Variants in FOXJ3 observed in about 807,000 individuals in gnomAD.
FOXJ3 encodes forkhead box protein J3.
FOXJ3 carries 22 observed loss-of-function variants against 76.1 expected under a neutral mutation model. That is an observed-to-expected ratio of 0.29 (90% CI 0.21 to 0.41). The LOEUF is 0.41. FOXJ3 is among the 10% of genes least tolerant of loss of function. The pLI is 1.00. For missense variants in FOXJ3, 613 were observed against 762.1 expected (o/e 0.80, Z 2.30); for synonymous variants, 269 against 261.2 (o/e 1.03, Z -0.29).
chr1:42,228,427 G>A (rs1269521247), intron 4 of FOXJ3, among the ~76,000 whole-genome samples: 4 of 152,064 alleles, frequency 2.6e-5, no homozygotes, highest in Middle Eastern at 3.4e-3. Context: ...GCAATGATAC[G>A]TACATAAACT....
chr1:42,234,094 G>A (rs570221170), intron 4 of FOXJ3, among the ~76,000 whole-genome samples: 12 of 152,196 alleles, frequency 7.9e-5, no homozygotes, highest in South Asian at 6.2e-4. Context: ...GACTTTGTTC[G>A]TTTCTTTTTA....
chr1:42,269,948 G>A (rs1272702195), intron 3 of FOXJ3, among the ~76,000 whole-genome samples: 1 of 152,122 alleles, frequency 6.6e-6, no homozygotes, highest in Admixed American at 6.5e-5. Flanking sequence ...ACCCTGCAGA[G>A]AGTTATGTCT....
At chr1:42,249,581 A>G (rs1224694535) in intron 4 of FOXJ3, among the ~76,000 whole-genome samples, 1 of 152,212 alleles carries the variant, frequency 6.6e-6, no homozygotes, top group Admixed American at 6.5e-5. Context: ...CAAAAAATTA[A>G]CGTACAATTT....
intron 2 of FOXJ3, among the ~76,000 whole-genome samples, chr1:42,300,483 T>G (rs1376932362): frequency 6.6e-6 from 1 of 152,070 alleles, no homozygotes; most frequent in Non-Finnish European, 1.5e-5. Flanking sequence ...GATATAAAAT[T>G]CTTGGCCGGT....
intron 5 of FOXJ3, among the ~76,000 whole-genome samples, chr1:42,220,776 T>C (rs1569918117): frequency 6.6e-6 from 1 of 152,186 alleles, no homozygotes; most frequent in South Asian, 2.1e-4. Flanking sequence ...CTTCATTCCC[T>C]TGTCCTATCT....
At chr1:42,332,359 G>A (rs902607056) in intron 1 of FOXJ3, among the ~76,000 whole-genome samples, 12 of 152,172 alleles carry the variant, frequency 7.9e-5, no homozygotes, top group Admixed American at 3.3e-4. Flanking sequence ...ATAAGGTTAA[G>A]CAACTTGCCC....
intron 2 of FOXJ3, among the ~76,000 whole-genome samples, chr1:42,306,684 ACT>A (rs1385537980): frequency 3.3e-5 from 5 of 151,812 alleles, no homozygotes; most frequent in Admixed American, 6.6e-5. Context: ...CACTATCCAG[ACT>A]CTTATCACCC....
At chr1:42,326,852 T>C (rs1655865871) in intron 1 of FOXJ3, among the ~76,000 whole-genome samples, 1 of 152,160 alleles carries the variant, frequency 6.6e-6, no homozygotes, top group Non-Finnish European at 1.5e-5. Context: ...CCAGAGCAAG[T>C]TCCTCACCAA....
chr1:42,324,125 A>AGTGTGTATATACAGTATATATACACT (rs1655639444), intron 1 of FOXJ3, among the ~76,000 whole-genome samples: 2 of 52,944 alleles, frequency 3.8e-5, no homozygotes, highest in African/African-American at 1.8e-4. Context: ...GTATATACAC[A>AGTGTGTATATACAGTATATATACACT]GTGTATATAC....
chr1:42,224,321 AAACT>A (rs1647372654), intron 5 of FOXJ3, among the ~76,000 whole-genome samples: 1 of 152,244 alleles, frequency 6.6e-6, no homozygotes, highest in Non-Finnish European at 1.5e-5. Flanking sequence ...GGAGATTTAT[AAACT>A]AACTCATGGA....
intron 3 of FOXJ3, among the ~76,000 whole-genome samples, chr1:42,272,708 A>G (rs1029334001): frequency 6.6e-6 from 1 of 152,246 alleles, no homozygotes; most frequent in Non-Finnish European, 1.5e-5. Context: ...AAGGAGTATC[A>G]GCAGAATGGA....
At chr1:42,189,240 T>C (rs1009968946) in intron 10 of FOXJ3, 63 bp downstream of exon 10, 2 of 1,012,998 alleles carry the variant, frequency 2.0e-6, no homozygotes, top group Non-Finnish European at 1.5e-6. Flanking sequence ...AAGAAAGTTA[T>C]AATCTAGCAG....
chr1:42,207,747 T>A (rs1046264232), intron 5 of FOXJ3, among the ~76,000 whole-genome samples: 10 of 152,180 alleles, frequency 6.6e-5, no homozygotes, highest in African/African-American at 2.4e-4. Context: ...GATAATCTAA[T>A]CAACCTTCGG....
intron 7 of FOXJ3, among the ~76,000 whole-genome samples, chr1:42,196,348 T>C (rs911474384): frequency 5.9e-5 from 9 of 152,168 alleles, no homozygotes; most frequent in African/African-American, 9.7e-5. Flanking sequence ...GCAGCTGCCA[T>C]TGCACTGTTG....
chr1:42,310,936 A>T, intron 2 of FOXJ3, 114 bp downstream of exon 2: 1 of 638,094 alleles, frequency 1.6e-6, no homozygotes, highest in Non-Finnish European at 2.7e-6. Flanking sequence ...TGACAAAACA[A>T]GCTACAATAT....
At chr1:42,232,047 T>C (rs1180612969) in intron 4 of FOXJ3, among the ~76,000 whole-genome samples, 1 of 150,160 alleles carries the variant, frequency 6.7e-6, no homozygotes, top group African/African-American at 2.4e-5. Flanking sequence ...GAACATGCGG[T>C]GTTTGGTTTT....
chr1:42,192,168 G>A (rs995917191), intron 8 of FOXJ3, among the ~76,000 whole-genome samples: 5 of 152,182 alleles, frequency 3.3e-5, no homozygotes, highest in Non-Finnish European at 7.3e-5. Context: ...ATAGAAGACC[G>A]CACAATCTAA....
intron 4 of FOXJ3, among the ~76,000 whole-genome samples, chr1:42,236,220 G>C (rs1648616507): frequency 6.6e-6 from 1 of 152,158 alleles, no homozygotes; most frequent in South Asian, 2.1e-4. Context: ...GCAAGGTCTT[G>C]CTTTGGTGCC....
chr1:42,234,765 T>A (rs1648457588), intron 4 of FOXJ3, among the ~76,000 whole-genome samples: 1 of 152,178 alleles, frequency 6.6e-6, no homozygotes, highest in Admixed American at 6.5e-5. Flanking sequence ...GGAAGTTTTG[T>A]CTCAGAGGAG....
Sources: allele counts gnomAD v4.1 joint callset (sites outside exome capture counted in the v4.1 genomes callset), GRCh38; gene constraint gnomAD v4.1.1; transcripts MANE v1.5; gene names NCBI Gene and HGNC (gene_info 2026-07-23, HGNC 2026-07-21).